NTM: variants seen among roughly 807,000 people sequenced by gnomAD.
The protein encoded by NTM is IgLON family member 2.
In NTM, 13 loss-of-function variants were observed where a neutral mutation model predicts 42.1. That is an observed-to-expected ratio of 0.31 (90% CI 0.20 to 0.49). NTM has a LOEUF of 0.49. NTM is among the 20% of genes least tolerant of loss of function. The pLI is 0.99. For synonymous variants in NTM, 187 were observed against 179.2 expected (o/e 1.04, Z -0.35); for missense variants, 373 against 452.8 (o/e 0.82, Z 1.60).
chr11:131,622,696 A>G (rs7113793), intron 1 of NTM, among the ~76,000 whole-genome samples: 73,421 of 151,966 alleles, frequency 0.48, 20,017 homozygotes, highest in African/African-American at 0.75. Context: ...CCCCTAGGCC[A>G]CTGTTTTCGG....
At position 132,299,984 on chromosome 11, in the gene NTM, G is replaced by C. The variant is rs1158557597; in HGVS notation, c.527-7705G>C. Among the ~76,000 whole-genome samples, 4 of 151,828 alleles carry C rather than the reference G, an allele frequency of 2.6e-5. No individual in the cohort carries two copies. The East Asian group carries it at 5.8e-4, about 22-fold the overall frequency. On this transcript the variant is annotated intron_variant, in intron 4 of 8. Coordinates refer to ENST00000683400, the MANE Select transcript of NTM (RefSeq NM_001352005.2). ...TTCTGAAACCAGAGACATTTTTTAAGCTCTCAGCAGTTCTTACCTGGGCTA... is the reference window on the plus strand; with the variant it reads ...TTCTGAAACCAGAGACATTTTTTAACCTCTCAGCAGTTCTTACCTGGGCTA...
chr11:131,559,696 T>C (rs2055965861), intron 1 of NTM, among the ~76,000 whole-genome samples: 1 of 152,208 alleles, frequency 6.6e-6, no homozygotes, highest in African/African-American at 2.4e-5. Flanking sequence ...CAAATAGTGG[T>C]CTAGGGCTAG....
intron 2 of NTM, among the ~76,000 whole-genome samples, chr11:132,045,262 C>T (rs2077824945): frequency 6.6e-6 from 1 of 151,992 alleles, no homozygotes; most frequent in Non-Finnish European, 1.5e-5. Flanking sequence ...TTCTGGGAGG[C>T]AACTGCCATT....
intron 2 of NTM, among the ~76,000 whole-genome samples, chr11:132,114,607 A>T (rs984298626): frequency 1.3e-5 from 2 of 152,118 alleles, no homozygotes; most frequent in Non-Finnish European, 2.9e-5. Flanking sequence ...CTCACTCATG[A>T]TCCTATAAGG....
chr11:131,428,880 C>CAAAAAAAAAAAAAA (rs35312475), intron 1 of NTM, among the ~76,000 whole-genome samples: 1 of 84,008 alleles, frequency 1.2e-5, no homozygotes, highest in Non-Finnish European at 2.2e-5. Flanking sequence ...ACTAAAAATA[C>CAAAAAAAAAAAAAA]AAAAAAAAAA....
At chr11:131,661,232 A>G (rs2134465651) in intron 1 of NTM, 1 of 332,220 alleles carries the variant, frequency 3.0e-6, no homozygotes, top group Non-Finnish European at 6.0e-6. Flanking sequence ...CACTTTTGCT[A>G]GAGGTCTTTC....
chr11:131,540,497 A>AC (rs917881695), intron 1 of NTM: 2 of 151,996 alleles, frequency 1.3e-5, no homozygotes, highest in African/African-American at 4.8e-5. Flanking sequence ...GATACTGACG[A>AC]CCTCCAAGGC....
At chr11:132,136,085 A>G (rs752383464) in intron 2 of NTM, among the ~76,000 whole-genome samples, 1 of 152,112 alleles carries the variant, frequency 6.6e-6, no homozygotes, top group Admixed American at 6.5e-5. Context: ...GCCTCCTCAC[A>G]GTCCACTAGA....
At chr11:131,509,270 CA>C (rs1176089884) in intron 1 of NTM, among the ~76,000 whole-genome samples, 2 of 152,062 alleles carry the variant, frequency 1.3e-5, no homozygotes, top group Non-Finnish European at 2.9e-5. Flanking sequence ...GAGGTTTCCC[CA>C]AAGACCACTT....
At chr11:131,878,557 G>C (rs1429141649) in intron 1 of NTM, among the ~76,000 whole-genome samples, 1 of 104,864 alleles carries the variant, frequency 9.5e-6, no homozygotes, top group South Asian at 3.5e-4. Flanking sequence ...GTGACAGAGG[G>C]AGACTCCATC....
intron 1 of NTM, among the ~76,000 whole-genome samples, chr11:131,724,958 G>C (rs1565470936): frequency 1.3e-5 from 2 of 152,200 alleles, no homozygotes; most frequent in Non-Finnish European, 2.9e-5. Context: ...GGCTCCGGAT[G>C]TTCAGGAGCC....
chr11:131,512,976 G>A (rs941685962), intron 1 of NTM, among the ~76,000 whole-genome samples: 2 of 151,960 alleles, frequency 1.3e-5, no homozygotes, highest in African/African-American at 4.8e-5. Context: ...CTGAGATCTC[G>A]GGACATTTCC....
intron 2 of NTM, among the ~76,000 whole-genome samples, chr11:132,130,262 GT>G (rs1001696641): frequency 6.6e-6 from 1 of 152,106 alleles, no homozygotes; most frequent in Admixed American, 6.5e-5. Context: ...GGAAGTGGGA[GT>G]TGGTTCAGCT....
At chr11:131,667,935 C>A (rs1330054560) in intron 1 of NTM, among the ~76,000 whole-genome samples, 1 of 152,224 alleles carries the variant, frequency 6.6e-6, no homozygotes, top group Non-Finnish European at 1.5e-5. Context: ...CCAAGGGCAC[C>A]TCTCTTCCAA....
At position 131,728,164 on chromosome 11, in the gene NTM, C is replaced by T. The variant is rs1052694504; in HGVS notation, c.83-183400C>T. 6.6e-5 allele frequency among the ~76,000 whole-genome samples: 10 copies of T among 152,282 alleles called. No individual in the cohort carries two copies. In the East Asian group the frequency reaches 1.2e-3, roughly 18 times the overall value. On this transcript the variant is annotated intron_variant, in intron 1 of 8. Transcript: ENST00000683400. ...CAGCAGACACCAGCTGGGTGGCATCCAATCCAATTTCATTCTGACCACCAT... is the reference window on the plus strand; with the variant it reads ...CAGCAGACACCAGCTGGGTGGCATCTAATCCAATTTCATTCTGACCACCAT...
chr11:131,598,618 C>A (rs933524916), intron 1 of NTM, among the ~76,000 whole-genome samples: 3 of 152,184 alleles, frequency 2.0e-5, no homozygotes, highest in Non-Finnish European at 4.4e-5. Flanking sequence ...AAAGCTGCAC[C>A]ATCCGAACAC....
At position 131,880,807 on chromosome 11, in the gene NTM, T is replaced by C. The variant is rs559285234; in HGVS notation, c.83-30757T>C. 8.5e-5 allele frequency among the ~76,000 whole-genome samples: 13 copies of C among 152,220 alleles called. No individual in the cohort carries two copies. In the South Asian group the frequency reaches 2.3e-3, roughly 27 times the overall value. ...ATAAATTCCAAATCTCACTCTTTTTTTTTTTCTTTTGCCCCCAAAGCTGGG... is the reference window on the plus strand; with the variant it reads ...ATAAATTCCAAATCTCACTCTTTTTCTTTTTCTTTTGCCCCCAAAGCTGGG... On this transcript the variant is annotated intron_variant, in intron 1 of 8. Coordinates refer to ENST00000683400, the MANE Select transcript of NTM (RefSeq NM_001352005.2).
chr11:131,383,927 GAGA>G (rs1282940907), intron 1 of NTM, among the ~76,000 whole-genome samples: 3 of 152,214 alleles, frequency 2.0e-5, no homozygotes, highest in Admixed American at 2.0e-4. Context: ...GACAGTTGCA[GAGA>G]AGGAGAGACA....
At chr11:131,803,051 A>G (rs1055938383) in intron 1 of NTM, among the ~76,000 whole-genome samples, 1 of 152,152 alleles carries the variant, frequency 6.6e-6, no homozygotes, top group African/African-American at 2.4e-5. Flanking sequence ...GGCACCCTCC[A>G]TTTCCAGACA....
Sources: allele counts gnomAD v4.1 joint callset (sites outside exome capture counted in the v4.1 genomes callset), GRCh38; gene constraint gnomAD v4.1.1; transcripts MANE v1.5; gene names NCBI Gene and HGNC (gene_info 2026-07-23, HGNC 2026-07-21).